UCK2: variants seen among roughly 807,000 people sequenced by gnomAD.
UCK2 encodes the protein uridine-cytidine kinase 2, also known as cytidine monophosphokinase 2.
Under a neutral mutation model 30.8 loss-of-function variants are expected in UCK2, and 6 were observed. The ratio of observed to expected loss-of-function variants is 0.19; its 90% CI spans 0.11 to 0.38. The LOEUF (loss-of-function observed/expected upper bound fraction) is 0.38. Ranked by LOEUF, UCK2 falls within the 10% of genes least tolerant of loss-of-function variation. The pLI is 1.00. For synonymous variants in UCK2, 125 were observed against 133.6 expected, an observed-to-expected ratio of 0.94 and a Z score of 0.45; for missense variants, 210 against 339.8, an observed-to-expected ratio of 0.62 and a Z score of 3.00.
At chr1:165,851,450 G>C (rs1280295509) in intron 1 of UCK2, among the ~76,000 whole-genome samples, 1 of 151,320 alleles carries the variant, frequency 6.6e-6, no homozygotes, top group Non-Finnish European at 1.5e-5. Context: ...TGTGTAGATA[G>C]TCTGGCTAAT....
At position 165,836,228 on chromosome 1, in the gene UCK2, C is replaced by CAAAAA. The variant is rs1285741977; in HGVS notation, c.99+8300_99+8301insAAAAA. On this transcript the variant is annotated intron_variant, in intron 1 of 6. Coordinates refer to ENST00000367879, the MANE Select transcript of UCK2 (RefSeq NM_012474.5). Reference sequence around the variant, plus strand: ...GGGCGACAAGAGCAAGACTCCGTCTCAAAACAAAAAACAAAACAAAAAAAA... The same window carrying CAAAAA: ...GGGCGACAAGAGCAAGACTCCGTCTCAAAAAAAAACAAAAAACAAAACAAAAAAAA... Among the ~76,000 whole-genome samples the CAAAAA allele has an allele frequency of 6.5e-4, 97 of 149,582 alleles. 2 individuals carry two copies. The highest frequency in any genetic ancestry group is 2.2e-3 in the African/African-American group (86 of 39,370).
chr1:165,873,771 C>T (rs985131313), intron 1 of UCK2, among the ~76,000 whole-genome samples: 2 of 152,082 alleles, frequency 1.3e-5, no homozygotes, highest in African/African-American at 4.8e-5. Context: ...GCCTTAGTGC[C>T]GAGACGTGGG....
intron 1 of UCK2, among the ~76,000 whole-genome samples, chr1:165,870,756 A>C (rs928550935): frequency 6.7e-6 from 1 of 148,782 alleles, no homozygotes; most frequent in Non-Finnish European, 1.5e-5. Context: ...GCTGCTTACT[A>C]TCCAGTCTTC....
At chr1:165,905,799 A>G in intron 5 of UCK2, 122 bp from the exon 6 acceptor site, 1 of 744,532 alleles carries the variant, frequency 1.3e-6, no homozygotes, top group Non-Finnish European at 2.3e-6. Flanking sequence ...TTGAAGCCTT[A>G]AAAGGTGCTC....
chr1:165,847,552 T>G (rs572413344), intron 1 of UCK2, among the ~76,000 whole-genome samples: 13 of 152,364 alleles, frequency 8.5e-5, no homozygotes, highest in African/African-American at 3.1e-4. Context: ...TCCCTCAGCC[T>G]CGACTATGTT....
At chr1:165,845,077 A>C (rs1029160035) in intron 1 of UCK2, among the ~76,000 whole-genome samples, 1 of 152,170 alleles carries the variant, frequency 6.6e-6, no homozygotes, top group Non-Finnish European at 1.5e-5. Context: ...ACAGGTCACA[A>C]CCTGGGACCT....
intron 1 of UCK2, among the ~76,000 whole-genome samples, chr1:165,877,104 C>T (rs759084086): frequency 6.6e-6 from 1 of 151,824 alleles, no homozygotes; most frequent in African/African-American, 2.4e-5. Flanking sequence ...GGTCCACTGA[C>T]CCCCCCAAAA....
In UCK2 at chr1:165,869,799, G is replaced by A. The variant is rs148001563; in HGVS notation, c.100-20405G>A. 1.7e-3 allele frequency among the ~76,000 whole-genome samples: 254 copies of A among 151,652 alleles called. 1 individual carries two copies. The highest frequency in any genetic ancestry group is 2.7e-3 in the Non-Finnish European group (182 of 67,946). Reference sequence around the variant, plus strand: ...GCCTTCCAAAGTGCTGGGATTATAGGCGTGAGCCACCACCAGCTAATTTTT... The same window carrying A: ...GCCTTCCAAAGTGCTGGGATTATAGACGTGAGCCACCACCAGCTAATTTTT... On this transcript the variant is annotated intron_variant, in intron 1 of 6. Coordinates refer to ENST00000367879, the MANE Select transcript of UCK2 (RefSeq NM_012474.5).
chr1:165,900,705 TGTGC>T (rs1322498457), intron 4 of UCK2: 6 of 152,646 alleles, frequency 3.9e-5, no homozygotes, highest in Non-Finnish European at 5.8e-5. Context: ...GTGCACTGTG[TGTGC>T]GTGCGTGCGT....
At chr1:165,902,353 A>G (rs560522138) in intron 4 of UCK2, among the ~76,000 whole-genome samples, 1 of 152,000 alleles carries the variant, frequency 6.6e-6, no homozygotes, top group Non-Finnish European at 1.5e-5. Flanking sequence ...TTGAGGCTGT[A>G]GTGAGCTATG....
At chr1:165,847,390 A>C (rs1216871183) in intron 1 of UCK2, among the ~76,000 whole-genome samples, 1 of 152,240 alleles carries the variant, frequency 6.6e-6, no homozygotes, top group African/African-American at 2.4e-5. Flanking sequence ...TATTGATAAC[A>C]ATAATGACAC....
At chr1:165,859,685 G>C (rs1403650894) in intron 1 of UCK2, among the ~76,000 whole-genome samples, 2 of 152,106 alleles carry the variant, frequency 1.3e-5, no homozygotes, top group East Asian at 3.9e-4. Context: ...AAATTAGCAG[G>C]GTGTGGTGGT....
chr1:165,902,788 A>G, intron 4 of UCK2: 1 of 166,914 alleles, frequency 6.0e-6, no homozygotes, highest in South Asian at 1.5e-4. Context: ...GCATGCAAGG[A>G]GGCAGCGTGC....
In UCK2 at chr1:165,905,759, T is replaced by C. The variant is rs144353151; in HGVS notation, c.598-162T>C. ...CCCCAAATTTCTATTAATAGATGCATTCACTGTGAAGTTGTAAACAATATT... is the reference window on the plus strand; with the variant it reads ...CCCCAAATTTCTATTAATAGATGCACTCACTGTGAAGTTGTAAACAATATT... On this transcript the variant is annotated intron_variant, in intron 5 of 6. Transcript: ENST00000367879. Among the ~76,000 whole-genome samples, 569 of 152,332 alleles carry C rather than the reference T, an allele frequency of 3.7e-3. 2 individuals are homozygous for C. The highest frequency in any genetic ancestry group is 5.1e-3 in the Non-Finnish European group (349 of 68,026).
chr1:165,831,690 C>T (rs545765131), intron 1 of UCK2, among the ~76,000 whole-genome samples: 1 of 152,318 alleles, frequency 6.6e-6, no homozygotes, highest in East Asian at 1.9e-4. Context: ...CCCCACTGCT[C>T]AGTACAGGTC....
chr1:165,827,843 G>A lies in UCK2; in HGVS notation c.10G>A (p.Asp4Asn). ...AGGGGCGGCGCGAACCATGGCCGGG[G>A]ACAGCGAGCAGACCCTGCAGAACCA... is the stretch of plus-strand genomic sequence containing the variant. MAG[D>N]SEQTLQNHQQ... is the part of the protein sequence containing the mutation. The change falls in exon 1 of 7, where the codon GAC becomes AAC. Residue 4 changes from aspartate to asparagine, a missense_variant. This residue lies in a region of UCK2 where 50 missense variants were observed against 41.0 expected (regional missense o/e 1.22). Coordinates refer to ENST00000367879, the MANE Select transcript of UCK2 (RefSeq NM_012474.5). The A allele has an allele frequency of 6.8e-7, 1 of 1,461,774 alleles. No homozygotes were observed. The highest frequency in any genetic ancestry group is 9.1e-7 in the Non-Finnish European group (1 of 1,098,980). 90.6% of individuals were successfully genotyped at this position (1,461,774 alleles called of 1,614,324 possible). A position where few individuals can be genotyped will look rare whatever the true frequency, so the allele number is the denominator to read the frequency against.
intron 1 of UCK2, among the ~76,000 whole-genome samples, chr1:165,833,072 T>C (rs1211667597): frequency 6.6e-6 from 1 of 152,192 alleles, no homozygotes. Context: ...CATCTGCTTT[T>C]GGAATGCTTC....
chr1:165,859,919 T>TG (rs1654852726), intron 1 of UCK2, among the ~76,000 whole-genome samples: 1 of 151,984 alleles, frequency 6.6e-6, no homozygotes, highest in Non-Finnish European at 1.5e-5. Flanking sequence ...CACCCTGCTT[T>TG]GCCCATCACA....
At chr1:165,885,098 A>C in intron 1 of UCK2, 2 of 330,340 alleles carry the variant, frequency 6.1e-6, no homozygotes, top group Non-Finnish European at 1.1e-5. Flanking sequence ...TATATTTCTC[A>C]TCAGTTCCCT....
Sources: allele counts gnomAD v4.1 joint callset (sites outside exome capture counted in the v4.1 genomes callset), GRCh38; gene constraint gnomAD v4.1.1; regional missense constraint gnomAD v4.1.1; transcripts MANE v1.5; gene names NCBI Gene and HGNC (gene_info 2026-07-23, HGNC 2026-07-21).